Variants in DACH2 observed in about 807,000 individuals in gnomAD.
DACH2 encodes dachshund family transcription factor 2, also known as dachshund homolog 2.
A neutral mutation model predicts 35.8 loss-of-function variants in DACH2; 17 were observed. The ratio of observed to expected loss-of-function variants is 0.48; its 90% CI spans 0.33 to 0.71. DACH2 has a LOEUF of 0.71. Among genes scored for constraint, DACH2 ranks in the 30% least tolerant of loss-of-function variants. DACH2 has a pLI of 0.02. For missense variants in DACH2, 469 were observed against 472.7 expected (o/e 0.99, Z 0.07); for synonymous variants, 195 against 177.3 (o/e 1.10, Z -0.79).
chrX:86,515,002 C>T (rs1179254153), intron 3 of DACH2, among the ~76,000 whole-genome samples: 2 of 111,089 alleles, frequency 1.8e-5, no homozygotes, highest in African/African-American at 6.5e-5. Context: ...TGAGAGTACA[C>T]AAAAACACTT....
chrX:86,211,238 G>A (rs1211477218), intron 1 of DACH2, among the ~76,000 whole-genome samples: 2 of 111,643 alleles, frequency 1.8e-5, no homozygotes, highest in Non-Finnish European at 3.8e-5. Context: ...TGGAAGCTAC[G>A]TTCTTGTTCT....
intron 1 of DACH2, among the ~76,000 whole-genome samples, chrX:86,274,449 TCC>T (rs2033870731): frequency 1.6e-5 from 1 of 62,477 alleles, no homozygotes; most frequent in Admixed American, 2.4e-4. Context: ...TAACATTAAA[TCC>T]TTTTTTTTTT....
intron 1 of DACH2, among the ~76,000 whole-genome samples, chrX:86,326,205 G>C (rs1008412133): frequency 5.4e-5 from 6 of 110,532 alleles, no homozygotes; most frequent in Non-Finnish European, 9.4e-5. Context: ...GGCTGGGTGC[G>C]GTGGCTCACG....
At chrX:86,181,292 C>T (rs1016433800) in intron 1 of DACH2, among the ~76,000 whole-genome samples, 7 of 110,197 alleles carry the variant, frequency 6.4e-5, no homozygotes, top group Admixed American at 3.9e-4. Context: ...CCCATCAACC[C>T]GTCATCTACA....
intron 1 of DACH2, among the ~76,000 whole-genome samples, chrX:86,312,129 G>T (rs1013369127): frequency 1.8e-5 from 2 of 112,040 alleles, no homozygotes; most frequent in African/African-American, 6.5e-5. Flanking sequence ...TTATGTACCG[G>T]CTGCAGAAAC....
intron 2 of DACH2, among the ~76,000 whole-genome samples, chrX:86,425,216 C>G (rs938753638): frequency 1.8e-5 from 2 of 110,531 alleles, no homozygotes; most frequent in Non-Finnish European, 3.8e-5. Flanking sequence ...AGTATTCCTT[C>G]TTCTCCTGTT....
At chrX:86,731,813 A>G (rs1349072666) in intron 6 of DACH2, among the ~76,000 whole-genome samples, 1 of 111,902 alleles carries the variant, frequency 8.9e-6, no homozygotes, top group African/African-American at 3.2e-5. Flanking sequence ...TATAACTTGT[A>G]GAAGCTTAGA....
intron 1 of DACH2, among the ~76,000 whole-genome samples, chrX:86,272,979 A>G (rs891367383): frequency 1.8e-5 from 2 of 111,413 alleles, no homozygotes; most frequent in African/African-American, 6.5e-5. Context: ...AGGCCCACCA[A>G]AGAGATTTCC....
intron 2 of DACH2, among the ~76,000 whole-genome samples, chrX:86,479,053 G>T (rs1353550803): frequency 2.7e-5 from 3 of 110,730 alleles, no homozygotes; most frequent in Admixed American, 1.9e-4. Context: ...AGGGGGATGG[G>T]GTGGGAAGGT....
At position 86,300,312 on chromosome X, in the gene DACH2, C is replaced by T. The variant is rs6617217; in HGVS notation, c.489-76512C>T. ...ATACTGATAAAGTTGGGTTTTAATG[C>T]TATTTCACTTTACTAATGGATTTTC... On this transcript the variant is annotated intron_variant, in intron 1 of 11. Coordinates refer to ENST00000373125, the MANE Select transcript of DACH2 (RefSeq NM_053281.3). 3.6e-5 allele frequency among the ~76,000 whole-genome samples: 4 copies of T among 110,692 alleles called. No homozygotes were observed. In the South Asian group the frequency reaches 1.5e-3, roughly 41 times the overall value.
In DACH2 at chrX:86,244,820, A is replaced by G. The variant is rs1251452490; in HGVS notation, c.488+95712A>G. 2.7e-5 allele frequency among the ~76,000 whole-genome samples: 3 copies of G among 112,359 alleles called. No individual in the cohort carries two copies. In the Admixed American group the frequency reaches 2.8e-4, roughly 11 times the overall value. ...CAACACATTATAATTAGAATTTCAC[A>G]ATCTGGGATAAAGAGATTGCCACTA... On this transcript the variant is annotated intron_variant, in intron 1 of 11. Transcript: ENST00000373125.
chrX:86,550,294 G>GT (rs2148310680), intron 3 of DACH2, among the ~76,000 whole-genome samples: 1 of 111,500 alleles, frequency 9.0e-6, no homozygotes, highest in South Asian at 3.7e-4. Context: ...GAATTTTGCA[G>GT]TATCTTATAG....
intron 1 of DACH2, among the ~76,000 whole-genome samples, chrX:86,332,507 C>A (rs971421289): frequency 2.7e-5 from 3 of 111,560 alleles, no homozygotes; most frequent in African/African-American, 9.7e-5. Flanking sequence ...AGTCAATCTG[C>A]AAATTAATGA....
At chrX:86,772,468 T>C (rs1299746836) in intron 7 of DACH2, among the ~76,000 whole-genome samples, 1 of 111,607 alleles carries the variant, frequency 9.0e-6, no homozygotes, top group African/African-American at 3.3e-5. Flanking sequence ...ATCTTCATTA[T>C]ATATAACTAA....
intron 7 of DACH2, among the ~76,000 whole-genome samples, chrX:86,776,435 A>G (rs748463678): frequency 5.1e-4 from 57 of 111,949 alleles, no homozygotes; most frequent in African/African-American, 1.8e-3. Flanking sequence ...TTTTGAGAGA[A>G]CACTAATATT....
At chrX:86,252,770 A>T (rs1456748112) in intron 1 of DACH2, among the ~76,000 whole-genome samples, 1 of 111,363 alleles carries the variant, frequency 9.0e-6, no homozygotes, top group Admixed American at 9.6e-5. Flanking sequence ...TTGAAGTCAG[A>T]TAATGTGATG....
At position 86,643,699 on chromosome X, in the gene DACH2, C is replaced by CA. The variant is rs202055167; in HGVS notation, c.641-7328dup. ...TGAATATCCTTGATGAATATTGATG[C>CA]AAAAAAAAACCTCCACAAAAATATT... On this transcript the variant is annotated intron_variant, in intron 3 of 11. Transcript: ENST00000373125. 6.6e-3 allele frequency among the ~76,000 whole-genome samples: 714 copies of CA among 107,935 alleles called. 8 individuals carry two copies. Among genetic ancestry groups the CA allele is most frequent in the African/African-American group, 0.022 (666 of 29,796 alleles). The allele number at this position is 107,935 out of a possible 115,157, so 93.7% of individuals were successfully genotyped here.
chrX:86,711,379 A>C (rs2148457900), intron 5 of DACH2, among the ~76,000 whole-genome samples: 1 of 112,120 alleles, frequency 8.9e-6, no homozygotes, highest in South Asian at 3.7e-4. Context: ...CCGTCTCATT[A>C]AAAAAATAAA....
chrX:86,221,409 A>G (rs1393570420), intron 1 of DACH2, among the ~76,000 whole-genome samples: 2 of 111,301 alleles, frequency 1.8e-5, no homozygotes, highest in Admixed American at 9.6e-5. Context: ...ATTCTGTTTT[A>G]TTTGTCTATA....
Sources: gnomAD v4.1 joint callset for allele counts (sites outside exome capture counted in the v4.1 genomes callset) on GRCh38, gnomAD v4.1.1 for gene constraint, MANE v1.5 for transcripts, NCBI Gene and HGNC (gene_info 2026-07-23, HGNC 2026-07-21) for gene names.